The following LPIN3 variants were observed in gnomAD, a reference collection of about 807,000 sequenced individuals.
The protein encoded by LPIN3 is lipin 3.
LPIN3 carries 82 observed loss-of-function variants against 94.7 expected under a neutral mutation model. The observed-to-expected ratio is 0.87, with a 90% CI of 0.72 to 1.04. LPIN3 has a LOEUF of 1.04. Ranked by LOEUF, LPIN3 falls within the 50% of genes least tolerant of loss-of-function variation. The pLI is 0.00. For missense variants in LPIN3, 996 were observed against 1,090.5 expected (o/e 0.91, Z 1.22); for synonymous variants, 418 against 443.3 (o/e 0.94, Z 0.72).
chr20:41,346,744 A>AAAAT (rs1336416079), intron 2 of LPIN3, among the ~76,000 whole-genome samples: 12 of 152,322 alleles, frequency 7.9e-5, no homozygotes, highest in African/African-American at 2.6e-4. Context: ...TCCGTCTCAA[A>AAAAT]AAATAAATAA....
intron 13 of LPIN3, 82 bp downstream of exon 13, chr20:41,354,945 C>A: frequency 3.0e-6 from 4 of 1,349,008 alleles, no homozygotes; most frequent in Non-Finnish European, 3.0e-6. Context: ...CAGGGAGGAG[C>A]CAGCACCCTG....
At chr20:41,354,043 T>A (rs550543925) in intron 11 of LPIN3, among the ~76,000 whole-genome samples, 1 of 152,176 alleles carries the variant, frequency 6.6e-6, no homozygotes, top group South Asian at 2.1e-4. Flanking sequence ...CTGACTTGGG[T>A]CTGTAGGATG....
chr20:41,354,546 T>A (rs2046138531), intron 11 of LPIN3, 99 bp from the exon 12 acceptor site: 2 of 1,196,910 alleles, frequency 1.7e-6, no homozygotes, highest in Non-Finnish European at 2.3e-6. Flanking sequence ...TAGGGTTGGC[T>A]CAGACTCTGG....
chr20:41,355,114 A>G (rs991956900), intron 13 of LPIN3, among the ~76,000 whole-genome samples: 1 of 152,102 alleles, frequency 6.6e-6, no homozygotes, highest in African/African-American at 2.4e-5. Context: ...TCCCGGGTTC[A>G]AGCGATTTTC....
chr20:41,343,010 A>G (rs1294919610), intron 1 of LPIN3, among the ~76,000 whole-genome samples: 1 of 152,056 alleles, frequency 6.6e-6, no homozygotes, highest in Non-Finnish European at 1.5e-5. Flanking sequence ...GTCCCCCAGG[A>G]GACATTTAAA....
intron 4 of LPIN3, 98 bp from the exon 5 acceptor site, chr20:41,348,994 A>T (rs2045896771): frequency 1.2e-5 from 19 of 1,577,254 alleles, no homozygotes; most frequent in East Asian, 9.0e-5. Context: ...TCTGAGCAGT[A>T]GTTGCTTCAC....
At position 41,352,163 on chromosome 20, in the gene LPIN3, GA is replaced by G; in HGVS notation, c.1307del (p.Asp436ValfsTer3). 1 of 1,614,230 alleles carries G rather than the reference GA, an allele frequency of 6.2e-7. No individual in the cohort carries two copies. The highest frequency in any genetic ancestry group is 8.5e-7 in the Non-Finnish European group (1 of 1,180,036). On this transcript the variant is annotated frameshift_variant, in exon 9 of 20. Coordinates refer to ENST00000373257, the MANE Select transcript of LPIN3 (RefSeq NM_022896.3). LOFTEE classifies it high-confidence loss of function. The stretch of plus-strand genomic sequence containing the variant: ...ACCTGAACCCACTCTGGACACAGTG[GA>G]TACAATAGCACTGTCCCTCTGTGGT... ...HEPEPTLDTVDTIALSLCGGL... is the reference protein window; with the variant it reads ...HEPEPTLDTVXTIALSLCGGL...
rs769744968 is a variant in LPIN3, at chr20:41,350,157, G to A, written c.862G>A (p.Ala288Thr). 3.1e-6 allele frequency: 5 copies of A among 1,612,558 alleles called. No homozygotes were observed. The change falls in exon 7 of 20, where the codon GCT becomes ACT. Residue 288 changes from alanine to threonine, a missense_variant. By Grantham distance (58) the Ala-to-Thr change is moderately conservative. Coordinates refer to ENST00000373257, the MANE Select transcript of LPIN3 (RefSeq NM_022896.3). ...ACCCAGCACTCCCTCTACCTCTGTG[G>A]CTGGCGGCGTGGACCCTTTGGGACT... The part of the protein sequence containing the change: ...GGPSTPSTSV[A>T]GGVDPLGLPI...
intron 1 of LPIN3, among the ~76,000 whole-genome samples, chr20:41,341,554 G>C (rs4812495): frequency 0.12 from 18,036 of 152,288 alleles, 1,420 homozygotes; most frequent in East Asian, 0.25. Context: ...TGGCTTCCCT[G>C]TGCTAGAGTT....
intron 17 of LPIN3, 82 bp downstream of exon 17, chr20:41,358,116 G>T (rs1052789045): frequency 1.1e-5 from 18 of 1,579,736 alleles, no homozygotes; most frequent in Admixed American, 1.7e-5. Flanking sequence ...TAGCAGGCTG[G>T]CATTAAGCTC....
rs535996278 is a variant in LPIN3 at position 41,350,517 on chromosome 20, A to G, written c.1102+120A>G. The G allele has an allele frequency of 1.8e-3, 1,378 of 748,620 alleles. 3 individuals are homozygous for G. The highest frequency in any genetic ancestry group is 2.4e-3 in the Non-Finnish European group (1,136 of 464,096). 46.4% of individuals were successfully genotyped at this position (748,620 alleles called of 1,614,324 possible). ...TGTGCTAGGTGCTGTTCTTGGCACC[A>G]GCCTCATGAAGCTCACAGTGCAGTG... On this transcript the variant is annotated intron_variant, in intron 7 of 19. Coordinates refer to ENST00000373257, the MANE Select transcript of LPIN3 (RefSeq NM_022896.3).
rs548482610 is a variant in LPIN3, at chr20:41,350,055, G to A, written c.760G>A (p.Val254Met). ...MQWAWGRLPK[V>M]ARAERPESSV... ...TCTTCCTCCATTTGTTCCACTAAAG[G>A]TGGCCAGAGCTGAGCGGCCCGAGTC... The change falls in exon 7 of 20, where the codon GTG becomes ATG. Residue 254 changes from valine to methionine, a missense_variant and splice_region_variant. Coordinates refer to ENST00000373257, the MANE Select transcript of LPIN3 (RefSeq NM_022896.3). 16 of 1,590,940 alleles carry A rather than the reference G, an allele frequency of 1.0e-5. No individual in the cohort carries two copies. The South Asian group carries it at 1.7e-4, about 17-fold the overall frequency.
At position 41,352,061 on chromosome 20, in the gene LPIN3, G is replaced by C. The variant is rs752693711; in HGVS notation, c.1204G>C (p.Asp402His). The stretch of plus-strand genomic sequence containing the variant: ...CATTGTTGGCCCCTTTGCCTGCAGT[G>C]ACTCTGGGCTGGGGGCCAGAAGATG... ...ENAALYFPQS[D>H]SGLGARRWSE... The change falls in exon 9 of 20, where the codon GAC becomes CAC. Residue 402 changes from aspartate (D) to histidine (H), a missense_variant and splice_region_variant. Physicochemically the swap from Asp to His is moderately conservative, Grantham distance 81 (BLOSUM62 -1). Coordinates refer to ENST00000373257, the MANE Select transcript of LPIN3 (RefSeq NM_022896.3). 14 of 1,614,072 alleles carry C rather than the reference G, an allele frequency of 8.7e-6. No homozygotes were observed. In the East Asian group the frequency reaches 2.9e-4, roughly 33 times the overall value.
At chr20:41,348,300 C>T (rs1173475954) in intron 3 of LPIN3, among the ~76,000 whole-genome samples, 2 of 152,184 alleles carry the variant, frequency 1.3e-5, no homozygotes, top group Non-Finnish European at 2.9e-5. Context: ...ATAGTCAAGG[C>T]TCCTTCCTGG....
chr20:41,342,946 C>T (rs1404951377), intron 1 of LPIN3, among the ~76,000 whole-genome samples: 1 of 152,212 alleles, frequency 6.6e-6, no homozygotes, highest in East Asian at 1.9e-4. Context: ...CGGGTGCCAT[C>T]TCTGCTATTC....
chr20:41,345,657 C>T, intron 1 of LPIN3, 139 bp from the exon 2 acceptor site: 1 of 872,214 alleles, frequency 1.1e-6, no homozygotes, highest in Non-Finnish European at 1.7e-6. Context: ...TCCCATCGCA[C>T]AGCTGCTGCC....
intron 14 of LPIN3, among the ~76,000 whole-genome samples, chr20:41,356,790 A>C (rs2046223159): frequency 6.6e-6 from 1 of 152,082 alleles, no homozygotes; most frequent in Non-Finnish European, 1.5e-5. Flanking sequence ...GTTACATCTC[A>C]AAGGGGAGTG....
chr20:41,359,113 T>G lies in LPIN3; in HGVS notation c.*247T>G. On this transcript the variant is annotated 3_prime_UTR_variant, in exon 20 of 20. Transcript: ENST00000373257. Reference sequence around the variant, plus strand: ...GGCAATTAGCTTGTCATCTGGGCCCTTGCAGGGTTCTTTTTTTTTTTTTTT... The same window carrying G: ...GGCAATTAGCTTGTCATCTGGGCCCGTGCAGGGTTCTTTTTTTTTTTTTTT... The G allele has an allele frequency of 2.0e-4, 54 of 264,720 alleles. No individual in the cohort carries two copies. Among genetic ancestry groups the G allele is most frequent in the East Asian group, 4.4e-4 (6 of 13,732 alleles). The allele number at this position is 264,720 out of a possible 1,614,324, so 16.4% of individuals were successfully genotyped here.
Position 41,347,648 on chromosome 20 carries a change from G to A in LPIN3, c.288+1G>A, listed in dbSNP as rs375087886. 1 of 1,612,692 alleles carries A rather than the reference G, an allele frequency of 6.2e-7. No homozygotes were observed. Among genetic ancestry groups the A allele is most frequent in the Non-Finnish European group, 8.5e-7 (1 of 1,179,154 alleles). On this transcript the variant is annotated splice_donor_variant, in intron 3 of 19. Coordinates refer to ENST00000373257, the MANE Select transcript of LPIN3 (RefSeq NM_022896.3). LOFTEE classifies it high-confidence loss of function. ...TGTTCAGGAGCTGGAGAGCGATGAT[G>A]TGAGTCTGCCCTCCTAACAGCACCT...
Sources: allele counts gnomAD v4.1 joint callset (sites outside exome capture counted in the v4.1 genomes callset), GRCh38; gene constraint gnomAD v4.1.1; transcripts MANE v1.5; gene names NCBI Gene and HGNC (gene_info 2026-07-23, HGNC 2026-07-21).